Variants in FANCD2 observed in about 807,000 individuals in gnomAD.
FANCD2 encodes FA complementation group D2.
FANCD2 carries 131 observed loss-of-function variants against 192.3 expected under a neutral mutation model. The observed-to-expected ratio is 0.68, with a 90% CI of 0.59 to 0.79. The LOEUF (loss-of-function observed/expected upper bound fraction) is 0.79, where lower values mean the gene tolerates loss of function less well. Ranked by LOEUF, FANCD2 falls within the 30% of genes least tolerant of loss-of-function variation. The pLI is 0.00. For synonymous variants in FANCD2, 524 were observed against 612.5 expected, an observed-to-expected ratio of 0.86 and a Z score of 2.13; for missense variants, 1,508 against 1,701.6, an observed-to-expected ratio of 0.89 and a Z score of 2.00.
intron 40 of FANCD2, chr3:10,094,799 G>T: frequency 3.0e-6 from 1 of 332,370 alleles, no homozygotes; most frequent in Non-Finnish European, 5.8e-6. Flanking sequence ...CAGGGCTAGA[G>T]TGATGAATTA....
chr3:10,070,543 G>C (rs1407674365), intron 26 of FANCD2, among the ~76,000 whole-genome samples: 1 of 140,548 alleles, frequency 7.1e-6, no homozygotes. Context: ...CGCCCCGTCC[G>C]GGAGGTGAGG....
intron 18 of FANCD2, among the ~76,000 whole-genome samples, chr3:10,054,073 G>A (rs1385528970): frequency 2.0e-5 from 3 of 151,800 alleles, no homozygotes; most frequent in Non-Finnish European, 4.4e-5. Flanking sequence ...TTAGCCAGGT[G>A]TGGTGGCACA....
chr3:10,067,399 C>G (rs2087751153), intron 26 of FANCD2, 82 bp downstream of exon 26: 1 of 814,122 alleles, frequency 1.2e-6, no homozygotes, highest in Non-Finnish European at 2.1e-6. Context: ...GATACCAAAA[C>G]CAGACAAAGA....
In FANCD2 at chr3:10,095,279, G is replaced by A. The variant is rs370391996; in HGVS notation, c.4038+5G>A. ...CACCTGTGTGGGCATTCCAAGGTAA[G>A]AAGGGGAGCAGGTTCTATCAGCAGC... On this transcript the variant is annotated splice_donor_5th_base_variant and intron_variant, in intron 41 of 43. Transcript: ENST00000675286. 1 of 1,613,642 alleles carries A rather than the reference G, an allele frequency of 6.2e-7. No individual in the cohort carries two copies. Among genetic ancestry groups the A allele is most frequent in the Non-Finnish European group, 8.5e-7 (1 of 1,179,692 alleles).
At chr3:10,067,486 C>T (rs1207096649) in intron 26 of FANCD2, among the ~76,000 whole-genome samples, 169 bp downstream of exon 26, 3 of 152,106 alleles carry the variant, frequency 2.0e-5, no homozygotes, top group Non-Finnish European at 4.4e-5. Context: ...TACTAGCAAA[C>T]CTAATTCAGC....
At chr3:10,097,765 C>T (rs1185775398) in intron 42 of FANCD2, among the ~76,000 whole-genome samples, 2 of 152,152 alleles carry the variant, frequency 1.3e-5, no homozygotes, top group African/African-American at 4.8e-5. Flanking sequence ...AGGGTATTGA[C>T]TGGGGAAGTG....
At chr3:10,052,354 C>A in intron 17 of FANCD2, 33 bp from the exon 18 acceptor site, 1 of 1,316,828 alleles carries the variant, frequency 7.6e-7, no homozygotes, top group Non-Finnish European at 1.1e-6. Flanking sequence ...ATGTTAGCTG[C>A]TAGCCTCATT....
chr3:10,074,664 G>A lies in FANCD2; in HGVS notation c.2850G>A (p.Met950Ile). 1 of 1,613,642 alleles carries A rather than the reference G, an allele frequency of 6.2e-7. No individual in the cohort carries two copies. The highest frequency in any genetic ancestry group is 1.1e-5 in the South Asian group (1 of 91,064). Residue 950 changes from methionine to isoleucine, a missense_variant, in exon 29 of 44, where the codon ATG becomes ATA. Transcript: ENST00000675286. ...LVTKFILDTE[M>I]HTEATEVVQL... ...CGAAGTTCATCTTAGATACTGAAAT[G>A]CACACTGAAGTAAGTGACAGGCTAG... is the stretch of plus-strand genomic sequence containing the variant.
At chr3:10,080,231 T>C (rs984188066) in intron 30 of FANCD2, among the ~76,000 whole-genome samples, 2 of 151,820 alleles carry the variant, frequency 1.3e-5, no homozygotes, top group African/African-American at 4.8e-5. Flanking sequence ...TTCTTTGTAT[T>C]CACTATCGGG....
At chr3:10,088,615 G>C in intron 35 of FANCD2, 73 bp downstream of exon 35, 1 of 1,194,894 alleles carries the variant, frequency 8.4e-7, no homozygotes, top group Admixed American at 1.7e-5. Flanking sequence ...GTCAGAGACT[G>C]GACAAATGAC....
chr3:10,053,150 T>C (rs2125013076), intron 18 of FANCD2, among the ~76,000 whole-genome samples: 1 of 147,538 alleles, frequency 6.8e-6, no homozygotes, highest in African/African-American at 2.5e-5. Flanking sequence ...AATGATAGAC[T>C]GGATTAAGAA....
rs1695305566 is a variant in FANCD2 at position 10,101,596 on chromosome 3, G to C, written c.*334G>C. The C allele has an allele frequency of 2.7e-6, 1 of 373,810 alleles. No homozygotes were observed. Among genetic ancestry groups the C allele is most frequent in the Non-Finnish European group, 5.0e-6 (1 of 198,188 alleles). 23.2% of individuals were successfully genotyped at this position (373,810 alleles called of 1,614,324 possible). On this transcript the variant is annotated 3_prime_UTR_variant, in exon 44 of 44. Coordinates refer to ENST00000675286, the MANE Select transcript of FANCD2 (RefSeq NM_001018115.3). ...ATACGGGGTTTTACCATGTCGGCCA[G>C]ATGGTCTCAATCTCCTGAACTCATG...
Position 10,101,496 on chromosome 3 carries a change from C to T in FANCD2, c.*234C>T. 2 of 483,128 alleles carry T rather than the reference C, an allele frequency of 4.1e-6. No homozygotes were observed. The highest frequency in any genetic ancestry group is 3.5e-5 in the East Asian group (1 of 28,408). 29.9% of individuals were successfully genotyped at this position (483,128 alleles called of 1,614,324 possible). ...CATCTCCTAGGTTCAAGCGATTCTC[C>T]TGCCTCAGCCTCCTGAGTAGCTGGG... On this transcript the variant is annotated 3_prime_UTR_variant, in exon 44 of 44. Transcript: ENST00000675286.
At position 10,098,808 on chromosome 3, in the gene FANCD2, C is replaced by A. The variant is rs1031002548; in HGVS notation, c.4274C>A (p.Ala1425Asp). ...DMSSQASKSK[A>D]TEDGEEDEVS... ...TCATCCCAGGCCTCCAAGAGCAAAG[C>A]CACTGAGGTATCTCTACAAAACCCA... Residue 1425 changes from alanine to aspartate, a missense_variant, in exon 43 of 44, where the codon GCC (alanine) becomes GAC (aspartate). Ala to Asp is a moderately radical substitution (Grantham distance 126). This residue lies in a region of FANCD2 where 796 missense variants were observed against 879.4 expected (regional missense o/e 0.91). Coordinates refer to ENST00000675286, the MANE Select transcript of FANCD2 (RefSeq NM_001018115.3). The A allele has an allele frequency of 3.1e-6, 5 of 1,614,170 alleles. No individual in the cohort carries two copies. Among genetic ancestry groups the A allele is most frequent in the Non-Finnish European group, 4.2e-6 (5 of 1,180,014 alleles).
At chr3:10,098,972 T>G in intron 43 of FANCD2, 157 bp downstream of exon 43, 1 of 1,614,156 alleles carries the variant, frequency 6.2e-7, no homozygotes, top group Non-Finnish European at 8.5e-7. Context: ...CTTATATAAT[T>G]TTTGGGACCC....
At chr3:10,034,324 CAA>C (rs879221957) in intron 3 of FANCD2, 143 bp from the exon 4 acceptor site, 15,782 of 397,422 alleles carry the variant, frequency 0.04, no homozygotes, top group East Asian at 0.055. Context: ...AACTCCATCT[CAA>C]AAAAAAAAAA....
chr3:10,046,307 C>A (rs192738435), intron 14 of FANCD2: 18 of 392,634 alleles, frequency 4.6e-5, no homozygotes, highest in Non-Finnish European at 7.7e-5. Context: ...CCCGCCTTGG[C>A]CTCCCAAAGT....
At chr3:10,046,394 G>A (rs2087011742) in intron 14 of FANCD2, 186 bp from the exon 15 acceptor site, 4 of 933,164 alleles carry the variant, frequency 4.3e-6, no homozygotes, top group Non-Finnish European at 6.3e-6. Context: ...AACAGTTGTG[G>A]CACTTTATTT....
In FANCD2 at chr3:10,065,996, G is replaced by A; in HGVS notation, c.2385+17G>A. The A allele has an allele frequency of 6.9e-7, 1 of 1,447,050 alleles. No individual in the cohort carries two copies. The allele number at this position is 1,447,050 out of a possible 1,614,324, so 89.6% of individuals were successfully genotyped here. On this transcript the variant is annotated intron_variant, in intron 25 of 43. Coordinates refer to ENST00000675286, the MANE Select transcript of FANCD2 (RefSeq NM_001018115.3). ...TTCCGAGAGGTGAGCAGAGTTAATA[G>A]GATGTTTCACTTATTGTGCATAGTT...
Sources: gnomAD v4.1 joint callset for allele counts (sites outside exome capture counted in the v4.1 genomes callset) on GRCh38, gnomAD v4.1.1 for gene constraint, gnomAD v4.1.1 regional missense constraint, MANE v1.5 for transcripts, NCBI Gene and HGNC (gene_info 2026-07-23, HGNC 2026-07-21) for gene names.